NKAIN2: variants seen among roughly 807,000 people sequenced by gnomAD.
NKAIN2 encodes sodium/potassium transporting ATPase interacting 2.
Under a neutral mutation model 32.6 loss-of-function variants are expected in NKAIN2, and 14 were observed. The observed-to-expected ratio is 0.43, with a 90% CI of 0.28 to 0.67. The LOEUF (loss-of-function observed/expected upper bound fraction) is 0.67. Among genes scored for constraint, NKAIN2 ranks in the 30% least tolerant of loss-of-function variants. The probability of loss-of-function intolerance (pLI) is 0.17; values close to 1 mark genes in which losing one functional copy is unlikely to be tolerated. For synonymous variants in NKAIN2, 80 were observed against 87.2 expected (o/e 0.92, Z 0.46); for missense variants, 198 against 258.3 (o/e 0.77, Z 1.60).
At chr6:124,215,749 A>C (rs1791441386) in intron 1 of NKAIN2, among the ~76,000 whole-genome samples, 1 of 152,178 alleles carries the variant, frequency 6.6e-6, no homozygotes, top group African/African-American at 2.4e-5. Context: ...GGAATCCATC[A>C]GAGGATCTTC....
At chr6:124,290,932 G>T (rs1000875598) in intron 2 of NKAIN2, among the ~76,000 whole-genome samples, 2 of 151,874 alleles carry the variant, frequency 1.3e-5, no homozygotes, top group Non-Finnish European at 2.9e-5. Context: ...ATTTTACTCC[G>T]ATGTCAACTG....
intron 1 of NKAIN2, among the ~76,000 whole-genome samples, chr6:124,184,900 GAATT>G (rs1478405592): frequency 6.6e-6 from 1 of 151,792 alleles, no homozygotes; most frequent in African/African-American, 2.4e-5. Context: ...GGTGACAAGG[GAATT>G]AATTAGTAGA....
At chr6:124,525,757 T>G (rs1779287570) in intron 3 of NKAIN2, among the ~76,000 whole-genome samples, 1 of 152,094 alleles carries the variant, frequency 6.6e-6, no homozygotes, top group Non-Finnish European at 1.5e-5. Flanking sequence ...GGATTAAGAG[T>G]GAGGGCTTTA....
intron 1 of NKAIN2, among the ~76,000 whole-genome samples, chr6:124,129,020 A>C (rs1786323298): frequency 6.6e-6 from 1 of 152,176 alleles, no homozygotes; most frequent in African/African-American, 2.4e-5. Flanking sequence ...ATAAGTCTCC[A>C]GGTGACAGTA....
At chr6:124,806,735 A>C (rs1237590692) in intron 5 of NKAIN2, among the ~76,000 whole-genome samples, 3 of 152,294 alleles carry the variant, frequency 2.0e-5, no homozygotes, top group Non-Finnish European at 2.9e-5. Context: ...TGCTGTATTC[A>C]GGAAACCCAT....
chr6:124,496,616 C>CA (rs764278694), intron 3 of NKAIN2, among the ~76,000 whole-genome samples: 2 of 152,068 alleles, frequency 1.3e-5, no homozygotes, highest in Non-Finnish European at 2.9e-5. Flanking sequence ...ATGATAACTT[C>CA]ATAGGTGGCC....
intron 4 of NKAIN2, among the ~76,000 whole-genome samples, chr6:124,685,002 T>C (rs1773794053): frequency 6.6e-6 from 1 of 152,168 alleles, no homozygotes; most frequent in African/African-American, 2.4e-5. Context: ...GATAAAGTCT[T>C]CCCTGACTTC....
At chr6:123,893,486 C>G (rs1203349543) in intron 1 of NKAIN2, among the ~76,000 whole-genome samples, 1 of 152,172 alleles carries the variant, frequency 6.6e-6, no homozygotes, top group African/African-American at 2.4e-5. Context: ...GGATTAAAGT[C>G]TTGAGCCACT....
intron 1 of NKAIN2, among the ~76,000 whole-genome samples, chr6:123,947,114 G>A (rs750321156): frequency 5.9e-5 from 9 of 152,194 alleles, no homozygotes; most frequent in Non-Finnish European, 1.2e-4. Flanking sequence ...GGGAACCACA[G>A]TGCCTTTAGG....
At chr6:124,739,441 C>T (rs1777101890) in intron 4 of NKAIN2, among the ~76,000 whole-genome samples, 1 of 151,786 alleles carries the variant, frequency 6.6e-6, no homozygotes, top group Admixed American at 6.6e-5. Context: ...TTCTTCACAA[C>T]TAGGAAGTGA....
chr6:124,374,245 A>G (rs996635684), intron 3 of NKAIN2, among the ~76,000 whole-genome samples: 5 of 152,062 alleles, frequency 3.3e-5, no homozygotes, highest in Admixed American at 2.0e-4. Flanking sequence ...AATTGCTTCA[A>G]TGTGCTTCAG....
At chr6:124,490,412 G>GTTTTTTTT in intron 3 of NKAIN2, 10 of 312,150 alleles carry the variant, frequency 3.2e-5, no homozygotes, top group East Asian at 8.8e-5. Flanking sequence ...AATCATAGAG[G>GTTTTTTTT]TTTTTTTTTT....
At chr6:124,760,295 G>A (rs1778200510) in intron 4 of NKAIN2, among the ~76,000 whole-genome samples, 1 of 151,180 alleles carries the variant, frequency 6.6e-6, no homozygotes, top group Non-Finnish European at 1.5e-5. Context: ...AAAAGTAACT[G>A]TTGAATACTA....
At chr6:124,585,391 T>G (rs1781677721) in intron 3 of NKAIN2, among the ~76,000 whole-genome samples, 1 of 152,190 alleles carries the variant, frequency 6.6e-6, no homozygotes, top group Non-Finnish European at 1.5e-5. Context: ...TAAGATCTAG[T>G]GTTTGACAGC....
At chr6:124,677,952 C>T (rs981867647) in intron 4 of NKAIN2, among the ~76,000 whole-genome samples, 3 of 151,850 alleles carry the variant, frequency 2.0e-5, no homozygotes, top group Non-Finnish European at 4.4e-5. Context: ...CTTCTTTTTC[C>T]TTCATTTTTG....
intron 1 of NKAIN2, among the ~76,000 whole-genome samples, chr6:124,229,533 T>TAGATAGATAGACAGACAGAC (rs1298590453): frequency 7.6e-4 from 114 of 149,164 alleles, no homozygotes; most frequent in African/African-American, 2.8e-3. Context: ...GATAGATAGA[T>TAGATAGATAGACAGACAGAC]AGACAGACAG....
intron 3 of NKAIN2, among the ~76,000 whole-genome samples, chr6:124,528,939 C>G (rs2114815733): frequency 6.6e-6 from 1 of 152,164 alleles, no homozygotes; most frequent in Non-Finnish European, 1.5e-5. Flanking sequence ...CAGTTAGAAA[C>G]ATTTATTTAG....
At chr6:124,355,406 G>C in intron 3 of NKAIN2, 59 bp downstream of exon 3, 1 of 905,972 alleles carries the variant, frequency 1.1e-6, no homozygotes, top group Non-Finnish European at 1.9e-6. Context: ...CTCTTCCTAA[G>C]TAAGGCAGAG....
chr6:123,926,519 C>T (rs1233693818), intron 1 of NKAIN2, among the ~76,000 whole-genome samples: 7 of 151,458 alleles, frequency 4.6e-5, no homozygotes, highest in African/African-American at 1.2e-4. Flanking sequence ...CCCAGATGCC[C>T]GCTGCAGTGT....
Sources: gnomAD v4.1 joint callset for allele counts (sites outside exome capture counted in the v4.1 genomes callset) on GRCh38, gnomAD v4.1.1 for gene constraint, MANE v1.5 for transcripts, NCBI Gene and HGNC (gene_info 2026-07-23, HGNC 2026-07-21) for gene names.